Variants in ABLIM1 observed in about 807,000 individuals in gnomAD.
The protein encoded by ABLIM1 is actin binding LIM protein 1.
Under a neutral mutation model 107.0 loss-of-function variants are expected in ABLIM1, and 40 were observed. The observed-to-expected ratio is 0.37, with a 90% CI of 0.29 to 0.49. The LOEUF is 0.49. Among genes scored for constraint, ABLIM1 ranks in the 20% least tolerant of loss-of-function variants. The pLI, the probability that ABLIM1 is intolerant of heterozygous loss-of-function variation, is 0.97. For synonymous variants in ABLIM1, 357 were observed against 357.3 expected (o/e 1.00, Z 0.01); for missense variants, 857 against 1,008.5 (o/e 0.85, Z 2.04).
intron 6 of ABLIM1, among the ~76,000 whole-genome samples, chr10:114,534,440 A>G (rs1483160401): frequency 7.4e-6 from 1 of 134,300 alleles, no homozygotes. Flanking sequence ...CTCAACTGCC[A>G]TATGCCCTGG....
chr10:114,667,277 A>T (rs1049127574), intron 1 of ABLIM1, among the ~76,000 whole-genome samples: 6 of 152,216 alleles, frequency 3.9e-5, no homozygotes, highest in African/African-American at 1.2e-4. Flanking sequence ...TCAGATTTTA[A>T]TCTGCTGTGA....
upstream of ABLIM1, among the ~76,000 whole-genome samples, chr10:114,769,411 AAAGAAAAGAAGGAAAGAAAG>A (rs1566323867): frequency 6.4e-5 from 8 of 125,712 alleles, no homozygotes; most frequent in African/African-American, 1.3e-4. Flanking sequence ...AGAAAGAAAG[AAAGAAAAGAAGGAAAGAAAG>A]AAAGAAAGAA....
the ABLIM1 span, among the ~76,000 whole-genome samples, chr10:114,799,481 TC>T: frequency 4.6e-5 from 7 of 152,018 alleles, no homozygotes; most frequent in Admixed American, 2.6e-4. Flanking sequence ...GAACTCTTGA[TC>T]CCCCCCTCCA....
intron 4 of ABLIM1, among the ~76,000 whole-genome samples, chr10:114,563,937 G>A (rs1267006507): frequency 7.0e-6 from 1 of 143,188 alleles, no homozygotes; most frequent in Admixed American, 7.3e-5. Flanking sequence ...CGAGTGAATG[G>A]CATCCTAGAT....
chr10:114,724,241 G>A (rs995375031), intron 1 of ABLIM1, among the ~76,000 whole-genome samples: 4 of 152,148 alleles, frequency 2.6e-5, no homozygotes, highest in African/African-American at 9.7e-5. Context: ...CCACTTACTA[G>A]GTGTTGGTCC....
chr10:114,697,143 C>A (rs1420913260), intron 1 of ABLIM1, among the ~76,000 whole-genome samples: 1 of 152,198 alleles, frequency 6.6e-6, no homozygotes, highest in East Asian at 1.9e-4. Flanking sequence ...CTTCCCTTCT[C>A]ATTTCTGCTC....
At chr10:114,746,250 C>A (rs2082382950) in intron 1 of ABLIM1, among the ~76,000 whole-genome samples, 1 of 152,154 alleles carries the variant, frequency 6.6e-6, no homozygotes, top group South Asian at 2.1e-4. Flanking sequence ...TTCCTCTTAC[C>A]CTACCCCAGC....
intron 6 of ABLIM1, among the ~76,000 whole-genome samples, chr10:114,539,203 C>A (rs2066362855): frequency 6.6e-6 from 1 of 152,156 alleles, no homozygotes; most frequent in Non-Finnish European, 1.5e-5. Flanking sequence ...ACTAAAAATA[C>A]AAAAATTAAC....
At chr10:114,779,468 T>G in the ABLIM1 span, 8 of 152,368 alleles carry the variant, frequency 5.3e-5, no homozygotes, top group African/African-American at 1.9e-4. Flanking sequence ...TACATTTAAA[T>G]TGTCAAAAAT....
intron 1 of ABLIM1, among the ~76,000 whole-genome samples, chr10:114,693,180 G>A (rs1369977661): frequency 1.3e-5 from 2 of 152,048 alleles, no homozygotes; most frequent in Non-Finnish European, 2.9e-5. Context: ...GGGATGCAGC[G>A]CGGGGAAGGC....
chr10:114,725,813 C>T (rs763413195), intron 1 of ABLIM1, among the ~76,000 whole-genome samples: 30 of 151,376 alleles, frequency 2.0e-4, no homozygotes, highest in Middle Eastern at 3.4e-3. Flanking sequence ...GGTGCAATCA[C>T]AGCTCACCGT....
At chr10:114,653,804 A>G (rs1032211160) in intron 1 of ABLIM1, among the ~76,000 whole-genome samples, 1 of 152,162 alleles carries the variant, frequency 6.6e-6, no homozygotes, top group Non-Finnish European at 1.5e-5. Context: ...TTGTATGTTC[A>G]CTGATATATT....
chr10:114,469,881 A>C (rs1314128176), intron 10 of ABLIM1, among the ~76,000 whole-genome samples: 1 of 152,196 alleles, frequency 6.6e-6, no homozygotes, highest in Non-Finnish European at 1.5e-5. Context: ...CCAGGGGTGG[A>C]CTTCTCAGTT....
At chr10:114,791,757 G>C in the ABLIM1 span, among the ~76,000 whole-genome samples, 6 of 151,950 alleles carry the variant, frequency 3.9e-5, no homozygotes, top group East Asian at 1.2e-3. Flanking sequence ...ACCATGAAAA[G>C]AGAAATACAG....
the ABLIM1 span, among the ~76,000 whole-genome samples, chr10:114,793,226 AG>A: frequency 6.6e-6 from 1 of 152,150 alleles, no homozygotes; most frequent in Non-Finnish European, 1.5e-5. Flanking sequence ...TAACTGGATC[AG>A]GAGGGCAGAT....
intron 6 of ABLIM1, chr10:114,526,613 C>T: frequency 1.0e-6 from 1 of 985,450 alleles, no homozygotes; most frequent in Middle Eastern, 5.2e-4. Context: ...TCACATCTGC[C>T]ACGCAAAGCA....
chr10:114,456,946 A>C (rs7093929), intron 12 of ABLIM1, among the ~76,000 whole-genome samples: 65,458 of 150,802 alleles, frequency 0.43, 14,130 homozygotes, highest in African/African-American at 0.49. Context: ...AAAAAAAAAA[A>C]AAAACACTAC....
intron 6 of ABLIM1, among the ~76,000 whole-genome samples, chr10:114,493,948 A>G (rs2059348088): frequency 1.3e-5 from 2 of 152,122 alleles, no homozygotes; most frequent in South Asian, 2.1e-4. Context: ...CAAAAAATAC[A>G]CTTTTTTGTG....
chr10:114,735,507 G>A (rs543666905), intron 1 of ABLIM1, among the ~76,000 whole-genome samples: 69 of 152,276 alleles, frequency 4.5e-4, no homozygotes, highest in Middle Eastern at 3.4e-3. Flanking sequence ...GTCTCGCTCT[G>A]TCACCAGGCT....
Sources: allele counts gnomAD v4.1 joint callset (sites outside exome capture counted in the v4.1 genomes callset), GRCh38; gene constraint gnomAD v4.1.1; transcripts MANE v1.5; gene names NCBI Gene and HGNC (gene_info 2026-07-23, HGNC 2026-07-21).